The following PCDHA3 variants were observed in gnomAD, a reference collection of about 807,000 sequenced individuals.
PCDHA3 encodes protocadherin alpha-3.
A neutral mutation model predicts 62.2 loss-of-function variants in PCDHA3; 41 were observed. The observed-to-expected ratio is 0.66, with a 90% CI of 0.51 to 0.86. PCDHA3 has a LOEUF of 0.86. Ranked by LOEUF, PCDHA3 falls within the 40% of genes least tolerant of loss-of-function variation. The pLI is 0.00. For missense variants in PCDHA3, 1,304 were observed against 1,241.2 expected, an observed-to-expected ratio of 1.05 and a Z score of -0.76; for synonymous variants, 640 against 555.4, an observed-to-expected ratio of 1.15 and a Z score of -2.14.
chr5:140,998,809 C>T (rs782698811), intron 3 of PCDHA3, among the ~76,000 whole-genome samples: 14 of 152,212 alleles, frequency 9.2e-5, no homozygotes, highest in Non-Finnish European at 1.9e-4. Context: ...GGTGATCTGC[C>T]TGCCTTGGCC....
At position 140,801,756 on chromosome 5, in the gene PCDHA3, G is replaced by A. The variant is rs782663776; in HGVS notation, c.559G>A (p.Glu187Lys). 1.9e-5 allele frequency: 30 copies of A among 1,613,786 alleles called. No homozygotes were observed. Among genetic ancestry groups the A allele is most frequent in the Middle Eastern group, 1.6e-4 (1 of 6,082 alleles). The change falls in exon 1 of 4, where the codon GAG (glutamate) becomes AAG (lysine). Residue 187 changes from glutamate (E) to lysine (K), a missense_variant. Transcript: ENST00000522353. ...YFTLDVKRND[E>K]EIKSLGLVLK... ...TACCTTGGACGTTAAAAGAAATGAT[G>A]AGGAAATTAAATCCCTTGGACTCGT...
At chr5:140,855,274 C>T (rs1395531351) in intron 1 of PCDHA3, among the ~76,000 whole-genome samples, 1 of 149,676 alleles carries the variant, frequency 6.7e-6, no homozygotes, top group Non-Finnish European at 1.5e-5. Flanking sequence ...TTCACTCAAC[C>T]ACCGTATTAC....
At chr5:140,895,267 T>G (rs2064938299) in intron 1 of PCDHA3, among the ~76,000 whole-genome samples, 1 of 152,162 alleles carries the variant, frequency 6.6e-6, no homozygotes. Flanking sequence ...TTTTTCTTAC[T>G]CAGGGATAAT....
intron 1 of PCDHA3, among the ~76,000 whole-genome samples, chr5:140,965,905 G>A (rs76116187): frequency 0.016 from 2,504 of 152,338 alleles, 69 homozygotes; most frequent in African/African-American, 0.056. Context: ...TGGATCCCAG[G>A]ATGCTGGTTT....
At chr5:140,933,480 G>C (rs1255769578) in intron 1 of PCDHA3, among the ~76,000 whole-genome samples, 1 of 151,846 alleles carries the variant, frequency 6.6e-6, no homozygotes, top group South Asian at 2.1e-4. Flanking sequence ...ACACATTATG[G>C]TTATTCTTTA....
At chr5:140,971,692 C>G (rs2096492766) in intron 1 of PCDHA3, among the ~76,000 whole-genome samples, 1 of 152,116 alleles carries the variant, frequency 6.6e-6, no homozygotes, top group South Asian at 2.1e-4. Context: ...TTTGTACTCA[C>G]TAACCACCCT....
rs955565578 is a variant in PCDHA3, at chr5:141,012,291, T to C, written c.*2354T>C. 6 of 153,804 alleles carry C rather than the reference T, an allele frequency of 3.9e-5. No homozygotes were observed. The highest frequency in any genetic ancestry group is 9.6e-5 in the African/African-American group (4 of 41,478). The allele number at this position is 153,804 out of a possible 1,614,324, so 9.5% of individuals were successfully genotyped here. A position where few individuals can be genotyped will look rare whatever the true frequency, so the allele number is the denominator to read the frequency against. On this transcript the variant is annotated 3_prime_UTR_variant, in exon 4 of 4. Coordinates refer to ENST00000522353, the MANE Select transcript of PCDHA3 (RefSeq NM_018906.3). ...ACACGTCATGTGGATTCATTTTGAA[T>C]TGGTGCTATTGGTATTTCCTCTGTT...
At chr5:140,918,595 A>T (rs2078770795) in intron 1 of PCDHA3, among the ~76,000 whole-genome samples, 1 of 152,228 alleles carries the variant, frequency 6.6e-6, no homozygotes, top group Non-Finnish European at 1.5e-5. Context: ...TGTTCTATAG[A>T]TGTTGCTATG....
At chr5:140,901,128 A>G (rs1429296842) in intron 1 of PCDHA3, among the ~76,000 whole-genome samples, 3 of 152,114 alleles carry the variant, frequency 2.0e-5, no homozygotes, top group South Asian at 2.1e-4. Flanking sequence ...TTAGATGGGT[A>G]GATTGTAAAT....
chr5:140,875,808 G>A (rs1554167962), intron 1 of PCDHA3: 1 of 1,614,226 alleles, frequency 6.2e-7, no homozygotes, highest in South Asian at 1.1e-5. Flanking sequence ...TCGTGGACAG[G>A]CCGCTGCAGG....
chr5:140,938,062 A>G (rs2091901426), intron 1 of PCDHA3, among the ~76,000 whole-genome samples: 1 of 152,176 alleles, frequency 6.6e-6, no homozygotes, highest in Non-Finnish European at 1.5e-5. Context: ...ATATACTGTC[A>G]TGCTATTCCC....
intron 3 of PCDHA3, among the ~76,000 whole-genome samples, chr5:141,007,135 C>G (rs1183279253): frequency 2.6e-5 from 4 of 152,074 alleles, no homozygotes; most frequent in Non-Finnish European, 5.9e-5. Context: ...GATGAGGAGA[C>G]TGACAAAGGA....
chr5:140,941,191 T>TTTC (rs1487503403), intron 1 of PCDHA3, among the ~76,000 whole-genome samples: 199 of 93,252 alleles, frequency 2.1e-3, no homozygotes, highest in Middle Eastern at 0.015. Flanking sequence ...GCTTCTTTTT[T>TTTC]TTTCTTTCTT....
intron 1 of PCDHA3, chr5:140,876,494 T>C: frequency 1.2e-6 from 2 of 1,614,062 alleles, no homozygotes; most frequent in African/African-American, 1.3e-5. Flanking sequence ...GTGGAAGTTC[T>C]GGACGTGAAT....
chr5:140,801,386 G>T lies in PCDHA3; in HGVS notation c.189G>T (p.Leu63=). ...GLELAELVPR[L]FRVASKRHGD... is the part of the protein sequence containing the mutation. ...AGCTGGCGGAGCTGGTGCCGCGCCT[G>T]TTCCGGGTGGCGTCCAAAAGACACG... The change falls in exon 1 of 4, where the codon CTG becomes CTT. Residue 63 remains leucine, a synonymous_variant. Coordinates refer to ENST00000522353, the MANE Select transcript of PCDHA3 (RefSeq NM_018906.3). 1 of 1,613,622 alleles carries T rather than the reference G, an allele frequency of 6.2e-7. No homozygotes were observed. The highest frequency in any genetic ancestry group is 8.5e-7 in the Non-Finnish European group (1 of 1,179,988).
intron 1 of PCDHA3, chr5:140,807,791 A>G: frequency 6.2e-7 from 1 of 1,614,158 alleles, no homozygotes; most frequent in Non-Finnish European, 8.5e-7. Context: ...ATCTTTAGAC[A>G]GAGAAGAAGC....
At chr5:140,823,104 A>G (rs1554129140) in intron 1 of PCDHA3, 7 of 1,613,870 alleles carry the variant, frequency 4.3e-6, no homozygotes, top group Middle Eastern at 1.6e-4. Context: ...TGTCTGTGGA[A>G]GTGGCCGACG....
intron 1 of PCDHA3, chr5:140,851,252 G>A: frequency 9.2e-7 from 1 of 1,089,164 alleles, no homozygotes; most frequent in Non-Finnish European, 1.2e-6. Flanking sequence ...ATGATGCATA[G>A]TATTTTAGTC....
intron 1 of PCDHA3, among the ~76,000 whole-genome samples, chr5:140,888,362 T>G (rs1282144902): frequency 6.6e-6 from 1 of 152,208 alleles, no homozygotes; most frequent in African/African-American, 2.4e-5. Flanking sequence ...TACTGGCATC[T>G]AATAATGGAG....
Sources: gnomAD v4.1 joint callset for allele counts (sites outside exome capture counted in the v4.1 genomes callset) on GRCh38, gnomAD v4.1.1 for gene constraint, MANE v1.5 for transcripts, NCBI Gene and HGNC (gene_info 2026-07-23, HGNC 2026-07-21) for gene names.